The following USP31 variants were observed in gnomAD, a reference collection of about 807,000 sequenced individuals.
The protein encoded by USP31 is ubiquitin carboxyl-terminal hydrolase 31.
A neutral mutation model predicts 119.4 loss-of-function variants in USP31; 44 were observed. The ratio of observed to expected loss-of-function variants is 0.37; its 90% CI spans 0.29 to 0.47. The LOEUF (loss-of-function observed/expected upper bound fraction) is 0.47, where lower values mean the gene tolerates loss of function less well. USP31 is among the 20% of genes least tolerant of loss of function. The pLI is 0.99. For synonymous variants in USP31, 749 were observed against 705.6 expected (o/e 1.06, Z -0.97); for missense variants, 1,643 against 1,730.2 (o/e 0.95, Z 0.89).
intron 1 of USP31, among the ~76,000 whole-genome samples, chr16:23,123,237 G>T (rs374957562): frequency 2.2e-4 from 33 of 152,152 alleles, no homozygotes; most frequent in African/African-American, 8.0e-4. Flanking sequence ...GGCATACTTC[G>T]TTCAAAAAGT....
chr16:23,128,288 C>T (rs957215503), intron 1 of USP31, among the ~76,000 whole-genome samples: 1 of 152,270 alleles, frequency 6.6e-6, no homozygotes, highest in South Asian at 2.1e-4. Flanking sequence ...GAGCCTGGAA[C>T]ATCTTAAGAT....
chr16:23,098,760 G>C (rs1277325385), intron 6 of USP31, among the ~76,000 whole-genome samples: 1 of 152,204 alleles, frequency 6.6e-6, no homozygotes, highest in East Asian at 1.9e-4. Flanking sequence ...GGGAAAACTG[G>C]CTAGCCATAT....
intron 15 of USP31, among the ~76,000 whole-genome samples, chr16:23,069,994 CG>C (rs927300672): frequency 6.6e-6 from 1 of 152,188 alleles, no homozygotes; most frequent in East Asian, 1.9e-4. Context: ...CGTAAGAAAA[CG>C]TGTCTGACTG....
At position 23,085,002 on chromosome 16, in the gene USP31, G is replaced by A. The variant is rs755213152; in HGVS notation, c.1701-13C>T. The A allele has an allele frequency of 1.5e-5, 24 of 1,612,754 alleles. No homozygotes were observed. Among genetic ancestry groups the A allele is most frequent in the East Asian group, 2.2e-5 (1 of 44,862 alleles). ...ATTTACAAATAAGCTGCAATTAGGG[G>A]GAAAAGCATCTATCAGGGAATGTCT... is the stretch of plus-strand genomic sequence containing the variant. On this transcript the variant is annotated splice_polypyrimidine_tract_variant and intron_variant, in intron 10 of 15. Coordinates refer to ENST00000219689, the MANE Select transcript of USP31 (RefSeq NM_020718.4).
chr16:23,143,595 G>T (rs979200733), intron 1 of USP31, among the ~76,000 whole-genome samples: 3 of 139,944 alleles, frequency 2.1e-5, no homozygotes, highest in Non-Finnish European at 3.2e-5. Flanking sequence ...TGGGGGGGGG[G>T]AGAGAGAGAG....
chr16:23,090,698 G>A lies in USP31; in HGVS notation c.1341C>T (p.Pro447=). 1.2e-6 allele frequency: 2 copies of A among 1,614,040 alleles called. No homozygotes were observed. The highest frequency in any genetic ancestry group is 1.7e-6 in the Non-Finnish European group (2 of 1,179,962). ...TAAKQGKMDS[P]TSRAGSDKIV... ...TCTTGTCGCTGCCTGCTCTTGATGT[G>A]GGAGAATCCATTTTCCCCTGCTTTG... is the stretch of plus-strand genomic sequence containing the variant. Residue 447 remains proline, a synonymous_variant, in exon 7 of 16, where the codon CCC becomes CCT. Coordinates refer to ENST00000219689, the MANE Select transcript of USP31 (RefSeq NM_020718.4).
intron 6 of USP31, among the ~76,000 whole-genome samples, chr16:23,099,382 T>C (rs970801838): frequency 6.6e-6 from 1 of 152,190 alleles, no homozygotes; most frequent in Non-Finnish European, 1.5e-5. Context: ...GAGTGTAAAT[T>C]AGTTCAACCA....
intron 1 of USP31, among the ~76,000 whole-genome samples, chr16:23,135,770 A>C (rs956349614): frequency 1.5e-4 from 23 of 152,220 alleles, no homozygotes; most frequent in Admixed American, 1.4e-3. Context: ...ATCAATCTAC[A>C]TATTCAAGGC....
intron 1 of USP31, among the ~76,000 whole-genome samples, chr16:23,141,638 A>T (rs1903355797): frequency 6.6e-6 from 1 of 151,980 alleles, no homozygotes; most frequent in Non-Finnish European, 1.5e-5. Flanking sequence ...CGGCCTCCCA[A>T]AGTGCTGGGA....
Position 23,066,622 on chromosome 16 carries a change from A to G in USP31, c.*1424T>C, listed in dbSNP as rs1167663567. 2 of 152,210 alleles carry G rather than the reference A, an allele frequency of 1.3e-5. No homozygotes were observed. The highest frequency in any genetic ancestry group is 2.9e-5 in the Non-Finnish European group (2 of 68,026). 9.4% of individuals were successfully genotyped at this position (152,210 alleles called of 1,614,324 possible). ...ATTTACTGGCAAAGTGACAAATGCTATTCAGAGAGAATCAAGACCTTCACT... is the reference window on the plus strand; with the variant it reads ...ATTTACTGGCAAAGTGACAAATGCTGTTCAGAGAGAATCAAGACCTTCACT... On this transcript the variant is annotated 3_prime_UTR_variant, in exon 16 of 16. Transcript: ENST00000219689.
intron 1 of USP31, among the ~76,000 whole-genome samples, chr16:23,110,707 T>C (rs1447314573): frequency 6.6e-6 from 1 of 152,162 alleles, no homozygotes; most frequent in Non-Finnish European, 1.5e-5. Flanking sequence ...ACTACTCTCC[T>C]CCAAAGTAAA....
intron 15 of USP31, among the ~76,000 whole-genome samples, chr16:23,070,631 G>A (rs1196686123): frequency 2.0e-5 from 3 of 151,784 alleles, no homozygotes; most frequent in Non-Finnish European, 2.9e-5. Flanking sequence ...GGAGAATGGC[G>A]TGAACCTGGT....
In USP31 at chr16:23,082,496, G is replaced by A. The variant is rs562483406; in HGVS notation, c.1892C>T (p.Thr631Met). Reference sequence around the variant, plus strand: ...ATCAGGCAGAGTCCAGAGGCTTAACGTAATGCTTCCCTGCTGCAGCTGCTT... The same window carrying A: ...ATCAGGCAGAGTCCAGAGGCTTAACATAATGCTTCCCTGCTGCAGCTGCTT... The part of the protein sequence containing the change: ...HCKQLQQGSI[T>M]LSLWTLPDVL... Residue 631 changes from threonine (T) to methionine (M), a missense_variant, in exon 12 of 16, where the codon ACG becomes ATG. This residue lies in a region of USP31 where 279 missense variants were observed against 372.2 expected (regional missense o/e 0.75). Coordinates refer to ENST00000219689, the MANE Select transcript of USP31 (RefSeq NM_020718.4). 2.4e-5 allele frequency: 38 copies of A among 1,614,168 alleles called. No individual in the cohort carries two copies. In the South Asian group the frequency reaches 3.1e-4, roughly 13 times the overall value.
In USP31 at chr16:23,106,487, G is replaced by A; in HGVS notation, c.772C>T (p.Pro258Ser). ...GGCATCATATCAGTCTCTGATGGTG[G>A]CTAAAAAAAAAAGAAAGTACAACTT... Reference protein sequence around the residue: ...VKQSGQPPLKPPSETDMMPEG... With the variant: ...VKQSGQPPLKSPSETDMMPEG... The change falls in exon 3 of 16, where the codon CCA (proline) becomes TCA (serine). Residue 258 changes from proline (P) to serine (S), a missense_variant and splice_region_variant. Physicochemically the swap from Pro to Ser is moderately conservative, Grantham distance 74. This residue lies in a region of USP31 where 144 missense variants were observed against 218.0 expected (regional missense o/e 0.66). Coordinates refer to ENST00000219689, the MANE Select transcript of USP31 (RefSeq NM_020718.4). 1 of 1,599,056 alleles carries A rather than the reference G, an allele frequency of 6.3e-7. No homozygotes were observed.
intron 1 of USP31, among the ~76,000 whole-genome samples, chr16:23,140,893 G>C (rs1292912589): frequency 1.3e-5 from 2 of 152,138 alleles, no homozygotes; most frequent in African/African-American, 4.8e-5. Flanking sequence ...CAATCCATTA[G>C]CAAGTTCTGT....
At chr16:23,075,034 G>C (rs376805639) in intron 13 of USP31, among the ~76,000 whole-genome samples, 16 of 152,158 alleles carry the variant, frequency 1.1e-4, no homozygotes, top group Admixed American at 2.0e-4. Context: ...AACCATTTCC[G>C]CAAGTATGGA....
Position 23,148,945 on chromosome 16 carries a change from G to C in USP31, c.326C>G (p.Pro109Arg). The stretch of plus-strand genomic sequence containing the variant: ...GGGCGGCGCGGGAGAGGCGGGCGGC[G>C]GCGGGCACGGCGGCGGCGTGGGCGC... ...AAAPTPPPCP[P>R]PPASPAPPAC... The change falls in exon 1 of 16, where the codon CCG becomes CGG. Residue 109 changes from proline to arginine, a missense_variant. Physicochemically the swap from Pro to Arg is moderately radical, Grantham distance 103 (BLOSUM62 -2). Around this residue, in one of 5 missense-constraint regions of USP31, gnomAD observed 302 missense variants for 262.6 expected, o/e 1.15. Coordinates refer to ENST00000219689, the MANE Select transcript of USP31 (RefSeq NM_020718.4). 9.5e-7 allele frequency: 1 copy of C among 1,050,926 alleles called. No homozygotes were observed. The highest frequency in any genetic ancestry group is 1.1e-6 in the Non-Finnish European group (1 of 871,492). The allele number at this position is 1,050,926 out of a possible 1,614,324, so 65.1% of individuals were successfully genotyped here. A position where few individuals can be genotyped will look rare whatever the true frequency, so the allele number is the denominator to read the frequency against.
At chr16:23,139,032 A>G (rs1903272681) in intron 1 of USP31, among the ~76,000 whole-genome samples, 1 of 152,226 alleles carries the variant, frequency 6.6e-6, no homozygotes, top group Non-Finnish European at 1.5e-5. Flanking sequence ...AAATGTGCTA[A>G]ATAAATCTGT....
At chr16:23,087,345 C>T (rs1258098255) in intron 8 of USP31, among the ~76,000 whole-genome samples, 159 bp from the exon 9 acceptor site, 2 of 152,214 alleles carry the variant, frequency 1.3e-5, no homozygotes, top group Non-Finnish European at 2.9e-5. Flanking sequence ...CTCTAATACA[C>T]TTTAAATATT....
Sources: gnomAD v4.1 joint callset for allele counts (sites outside exome capture counted in the v4.1 genomes callset) on GRCh38, gnomAD v4.1.1 for gene constraint, gnomAD v4.1.1 regional missense constraint, MANE v1.5 for transcripts, NCBI Gene and HGNC (gene_info 2026-07-23, HGNC 2026-07-21) for gene names.